Variants in ESRRG observed in about 807,000 individuals in gnomAD.
ESRRG encodes estrogen-related receptor gamma.
A neutral mutation model predicts 44.0 loss-of-function variants in ESRRG; 13 were observed. That is an observed-to-expected ratio of 0.30 (90% CI 0.19 to 0.47). The LOEUF is 0.47. ESRRG is among the 20% of genes least tolerant of loss of function. The pLI is 1.00. For synonymous variants in ESRRG, 215 were observed against 214.6 expected (o/e 1.00, Z -0.02); for missense variants, 395 against 580.6 (o/e 0.68, Z 3.29).
At chr1:216,516,668 C>CACACAGAGAGAG (rs376701865) in intron 6 of ESRRG, among the ~76,000 whole-genome samples, 8 of 137,168 alleles carry the variant, frequency 5.8e-5, no homozygotes, top group African/African-American at 1.8e-4. Context: ...CACACACACA[C>CACACAGAGAGAG]AGAGAGAGAG....
intron 1 of ESRRG, among the ~76,000 whole-genome samples, chr1:217,123,153 A>C (rs963531302): frequency 7.2e-5 from 11 of 152,174 alleles, no homozygotes; most frequent in African/African-American, 2.7e-4. Flanking sequence ...ATGGTGCATG[A>C]ATCTTTAGTG....
intron 3 of ESRRG, among the ~76,000 whole-genome samples, chr1:216,592,715 TTC>T (rs928864102): frequency 2.6e-5 from 4 of 152,066 alleles, no homozygotes; most frequent in African/African-American, 9.7e-5. Context: ...GGCCTGGCTG[TTC>T]TCAAACTCCT....
intron 2 of ESRRG, among the ~76,000 whole-genome samples, chr1:216,756,152 C>G (rs1022007107): frequency 6.6e-6 from 1 of 151,894 alleles, no homozygotes; most frequent in Non-Finnish European, 1.5e-5. Flanking sequence ...AATTCACAGG[C>G]ATGTGTGGAA....
intron 5 of ESRRG, among the ~76,000 whole-genome samples, chr1:216,532,755 G>A (rs2049766489): frequency 6.6e-6 from 1 of 152,122 alleles, no homozygotes; most frequent in Non-Finnish European, 1.5e-5. Context: ...TTATTATTGG[G>A]GAGGCCCAAG....
At chr1:216,802,398 T>C (rs1028060443) in intron 2 of ESRRG, among the ~76,000 whole-genome samples, 5 of 152,148 alleles carry the variant, frequency 3.3e-5, no homozygotes, top group African/African-American at 1.2e-4. Flanking sequence ...CACTGAGAAG[T>C]GTCTGATATT....
intron 2 of ESRRG, among the ~76,000 whole-genome samples, chr1:216,777,402 G>C (rs1576432122): frequency 6.6e-6 from 1 of 152,100 alleles, no homozygotes; most frequent in South Asian, 2.1e-4. Flanking sequence ...CTAATGAAGA[G>C]CTGCCACAGA....
chr1:216,836,460 ATTTTAC>A (rs1393827291), intron 2 of ESRRG, among the ~76,000 whole-genome samples: 4 of 152,112 alleles, frequency 2.6e-5, no homozygotes, highest in African/African-American at 9.7e-5. Context: ...TTATTATTTT[ATTTTAC>A]TTTTTACTGT....
chr1:217,131,305 A>G (rs2092961986), intron 1 of ESRRG, among the ~76,000 whole-genome samples: 1 of 151,986 alleles, frequency 6.6e-6, no homozygotes, highest in South Asian at 2.1e-4. Context: ...ATATTTATTA[A>G]TGACCAGGTT....
At chr1:217,041,470 T>A (rs529161055) in intron 1 of ESRRG, among the ~76,000 whole-genome samples, 4 of 152,092 alleles carry the variant, frequency 2.6e-5, no homozygotes, top group East Asian at 1.9e-4. Flanking sequence ...CATAGTTTTT[T>A]AAAAAAAATA....
chr1:217,024,552 T>C (rs1400796936), intron 1 of ESRRG, among the ~76,000 whole-genome samples: 1 of 152,070 alleles, frequency 6.6e-6, no homozygotes, highest in Non-Finnish European at 1.5e-5. Context: ...CCTGGAGACA[T>C]GAGCATCATT....
chr1:216,959,941 C>T (rs1290826833), intron 1 of ESRRG, among the ~76,000 whole-genome samples: 4 of 152,116 alleles, frequency 2.6e-5, no homozygotes, highest in Admixed American at 1.3e-4. Flanking sequence ...CCAGGAGGAA[C>T]TATTCCCACT....
intron 2 of ESRRG, among the ~76,000 whole-genome samples, chr1:216,904,694 G>A (rs762224515): frequency 1.1e-4 from 17 of 152,220 alleles, no homozygotes; most frequent in East Asian, 9.7e-4. Flanking sequence ...ACAACTCCCC[G>A]GCTGTGGCGT....
At chr1:217,009,702 C>CTTTTTTTTTTTTTTT (rs11325118) in intron 1 of ESRRG, among the ~76,000 whole-genome samples, 5 of 106,386 alleles carry the variant, frequency 4.7e-5, no homozygotes, top group Admixed American at 1.0e-4. Flanking sequence ...TTTTCTTTTT[C>CTTTTTTTTTTTTTTT]TTTTTTTTTT....
At chr1:216,558,030 G>A (rs2057935839) in intron 5 of ESRRG, among the ~76,000 whole-genome samples, 2 of 152,136 alleles carry the variant, frequency 1.3e-5, no homozygotes, top group South Asian at 4.1e-4. Context: ...AGGATATTTA[G>A]TATGATGACA....
At chr1:216,950,441 T>C (rs1318927943) in intron 1 of ESRRG, among the ~76,000 whole-genome samples, 1 of 152,198 alleles carries the variant, frequency 6.6e-6, no homozygotes, top group African/African-American at 2.4e-5. Flanking sequence ...TAGCTTTTAG[T>C]AAAGGAGAGT....
At chr1:217,008,153 A>G (rs2078027725) in intron 1 of ESRRG, among the ~76,000 whole-genome samples, 1 of 152,214 alleles carries the variant, frequency 6.6e-6, no homozygotes, top group Non-Finnish European at 1.5e-5. Context: ...CAAACCATTT[A>G]CACCTTTTAA....
intron 2 of ESRRG, among the ~76,000 whole-genome samples, chr1:216,775,615 A>C (rs2093583468): frequency 1.6e-5 from 2 of 124,008 alleles, no homozygotes; most frequent in South Asian, 2.7e-4. Context: ...ACGCTGTCGC[A>C]CAGGCTGGTC....
chr1:217,030,604 C>G (rs1237056527), intron 1 of ESRRG, among the ~76,000 whole-genome samples: 5 of 152,158 alleles, frequency 3.3e-5, no homozygotes, highest in Admixed American at 1.3e-4. Flanking sequence ...AAGCCTTCTC[C>G]CAGTTCTAAG....
At chr1:216,533,034 T>C (rs1331335046) in intron 5 of ESRRG, among the ~76,000 whole-genome samples, 1 of 152,186 alleles carries the variant, frequency 6.6e-6, no homozygotes, top group Non-Finnish European at 1.5e-5. Flanking sequence ...ATATTGGACT[T>C]GTTTTCACTA....
Sources: allele counts gnomAD v4.1 joint callset (sites outside exome capture counted in the v4.1 genomes callset), GRCh38; gene constraint gnomAD v4.1.1; transcripts MANE v1.5; gene names NCBI Gene and HGNC (gene_info 2026-07-23, HGNC 2026-07-21).